Variants in DPP10 observed in about 807,000 individuals in gnomAD.
DPP10 encodes dipeptidyl peptidase like 10.
A neutral mutation model predicts 120.9 loss-of-function variants in DPP10; 33 were observed. That is an observed-to-expected ratio of 0.27 (90% CI 0.21 to 0.37). The LOEUF (loss-of-function observed/expected upper bound fraction) is 0.37. Among genes scored for constraint, DPP10 ranks in the 10% least tolerant of loss-of-function variants. The probability of loss-of-function intolerance (pLI) is 1.00; values close to 1 mark genes in which losing one functional copy is unlikely to be tolerated. For missense variants in DPP10, 816 were observed against 942.8 expected, an observed-to-expected ratio of 0.87 and a Z score of 1.76; for synonymous variants, 337 against 326.1, an observed-to-expected ratio of 1.03 and a Z score of -0.36.
chr2:115,096,645 TATCAGGAGAGAAC>T (rs1573599677), intron 1 of DPP10, among the ~76,000 whole-genome samples: 3 of 152,204 alleles, frequency 2.0e-5, no homozygotes. Context: ...ATGATGGGCT[TATCAGGAGAGAAC>T]CCCATCATAA....
intron 5 of DPP10, among the ~76,000 whole-genome samples, chr2:115,616,715 T>A (rs928929825): frequency 2.0e-5 from 3 of 152,128 alleles, no homozygotes; most frequent in African/African-American, 7.2e-5. Context: ...ACTCTTCTGG[T>A]TGACCTCTTA....
At chr2:115,233,964 A>C (rs757785498) in intron 1 of DPP10, 2 of 518,344 alleles carry the variant, frequency 3.9e-6, no homozygotes, top group East Asian at 1.1e-4. Context: ...CTAAGAGATA[A>C]ATCAGCCTTC....
chr2:114,710,561 A>G (rs1014486543), intron 1 of DPP10, among the ~76,000 whole-genome samples: 2 of 152,162 alleles, frequency 1.3e-5, no homozygotes, highest in Non-Finnish European at 1.5e-5. Context: ...CCTGGCCAAC[A>G]TGGCAAAACC....
At chr2:115,361,402 G>T (rs1318959034) in intron 3 of DPP10, among the ~76,000 whole-genome samples, 21 of 152,120 alleles carry the variant, frequency 1.4e-4, no homozygotes, top group Non-Finnish European at 1.5e-5. Flanking sequence ...GGGCAGTAGA[G>T]GTTGCATTGT....
At chr2:114,504,866 A>G (rs1312589933) in intron 1 of DPP10, among the ~76,000 whole-genome samples, 3 of 152,022 alleles carry the variant, frequency 2.0e-5, no homozygotes, top group African/African-American at 7.2e-5. Flanking sequence ...AGACTGGCCA[A>G]TATGGCAAAA....
At chr2:114,913,683 A>G (rs1009779007) in intron 1 of DPP10, among the ~76,000 whole-genome samples, 6 of 152,194 alleles carry the variant, frequency 3.9e-5, no homozygotes, top group Non-Finnish European at 7.3e-5. Context: ...CCAAACAACT[A>G]TAGTAGCTCC....
At chr2:115,634,305 A>AT (rs1217360654) in intron 5 of DPP10, among the ~76,000 whole-genome samples, 1 of 152,042 alleles carries the variant, frequency 6.6e-6, no homozygotes, top group Non-Finnish European at 1.5e-5. Context: ...AGTTTTCAAC[A>AT]TTTTTTCATT....
At chr2:115,551,435 A>C (rs1043779873) in intron 5 of DPP10, among the ~76,000 whole-genome samples, 1 of 152,146 alleles carries the variant, frequency 6.6e-6, no homozygotes, top group East Asian at 1.9e-4. Flanking sequence ...CTGTGGATAC[A>C]GCTGTGGCTA....
At chr2:115,036,699 T>A (rs1311863176) in intron 1 of DPP10, among the ~76,000 whole-genome samples, 1 of 152,222 alleles carries the variant, frequency 6.6e-6, no homozygotes, top group African/African-American at 2.4e-5. Flanking sequence ...TTGTTTGTTT[T>A]ACTTCACTGT....
Position 115,302,043 on chromosome 2 carries a change from G to A in DPP10, c.61-7196G>A, listed in dbSNP as rs146628689. On this transcript the variant is annotated intron_variant, in intron 1 of 25. Transcript: ENST00000410059. The stretch of plus-strand genomic sequence containing the variant: ...GGCTTAACAGGAAGTATGACTGGAC[G>A]GCCTCAGAAAACTTACCATCATGGT... Among the ~76,000 whole-genome samples, 117 of 152,042 alleles carry A rather than the reference G, an allele frequency of 7.7e-4. 2 individuals are homozygous for A. The highest frequency in any genetic ancestry group is 2.6e-3 in the African/African-American group (109 of 41,512).
intron 1 of DPP10, among the ~76,000 whole-genome samples, chr2:114,716,594 CT>C (rs1268345806): frequency 1.3e-5 from 2 of 152,200 alleles, no homozygotes; most frequent in Non-Finnish European, 2.9e-5. Flanking sequence ...GGCAGTCCTT[CT>C]TTGGGTGTTC....
At chr2:115,482,644 A>T (rs192391031) in intron 3 of DPP10, among the ~76,000 whole-genome samples, 1 of 152,036 alleles carries the variant, frequency 6.6e-6, no homozygotes, top group East Asian at 1.9e-4. Context: ...GCTCTTTATG[A>T]CTGTCTTCTT....
intron 10 of DPP10, among the ~76,000 whole-genome samples, chr2:115,752,845 T>C (rs1678922251): frequency 6.6e-6 from 1 of 152,160 alleles, no homozygotes; most frequent in Non-Finnish European, 1.5e-5. Context: ...TTTTCATAAA[T>C]ATCTAGCATG....
chr2:114,677,940 T>G (rs2105685526), intron 1 of DPP10, among the ~76,000 whole-genome samples: 1 of 152,258 alleles, frequency 6.6e-6, no homozygotes, highest in East Asian at 1.9e-4. Context: ...TACATGTGAT[T>G]TATAAAATAA....
chr2:115,123,907 G>T (rs554194742), intron 1 of DPP10, among the ~76,000 whole-genome samples: 18 of 151,246 alleles, frequency 1.2e-4, no homozygotes, highest in Non-Finnish European at 1.5e-5. Context: ...CACCCAACAG[G>T]CCCAGTTATA....
chr2:114,640,209 A>G (rs545208009), intron 1 of DPP10, among the ~76,000 whole-genome samples: 1 of 152,006 alleles, frequency 6.6e-6, no homozygotes, highest in South Asian at 2.1e-4. Flanking sequence ...AACAATAACT[A>G]GAGGGATTCA....
intron 13 of DPP10, among the ~76,000 whole-genome samples, chr2:115,772,021 A>G (rs550222476): frequency 5.7e-4 from 86 of 151,984 alleles, no homozygotes; most frequent in African/African-American, 2.0e-3. Flanking sequence ...CTCATTTACA[A>G]GAGCTGTCCT....
intron 5 of DPP10, among the ~76,000 whole-genome samples, chr2:115,585,790 A>G (rs997872126): frequency 6.6e-6 from 1 of 152,148 alleles, no homozygotes; most frequent in Non-Finnish European, 1.5e-5. Flanking sequence ...ACATCTATCT[A>G]TCTATCCACG....
intron 1 of DPP10, among the ~76,000 whole-genome samples, chr2:114,939,258 G>T (rs1240670561): frequency 6.6e-6 from 1 of 151,950 alleles, no homozygotes; most frequent in Non-Finnish European, 1.5e-5. Flanking sequence ...GGAGGAGGAA[G>T]AGCAGGTGTT....
Sources: allele counts gnomAD v4.1 joint callset (sites outside exome capture counted in the v4.1 genomes callset), GRCh38; gene constraint gnomAD v4.1.1; transcripts MANE v1.5; gene names NCBI Gene and HGNC (gene_info 2026-07-23, HGNC 2026-07-21).